Variants in IKZF3 observed in about 807,000 individuals in gnomAD.
IKZF3 encodes IKAROS family zinc finger 3.
In IKZF3, 10 loss-of-function variants were observed where a neutral mutation model predicts 49.0. That is an observed-to-expected ratio of 0.20 (90% CI 0.13 to 0.35). The LOEUF is 0.35. Ranked by LOEUF, IKZF3 falls within the 10% of genes least tolerant of loss-of-function variation. The pLI, the probability that IKZF3 is intolerant of heterozygous loss-of-function variation, is 1.00. For missense variants in IKZF3, 498 were observed against 664.8 expected, an observed-to-expected ratio of 0.75 and a Z score of 2.76; for synonymous variants, 209 against 228.2, an observed-to-expected ratio of 0.92 and a Z score of 0.76.
intron 1 of IKZF3, among the ~76,000 whole-genome samples, chr17:39,850,016 GGT>G (rs1016784737): frequency 6.0e-5 from 8 of 133,914 alleles, no homozygotes; most frequent in South Asian, 4.7e-4. Flanking sequence ...TATTCCTGGG[GGT>G]GTGTGTGTGT....
intron 1 of IKZF3, among the ~76,000 whole-genome samples, chr17:39,844,620 A>G (rs1290571662): frequency 1.3e-5 from 2 of 149,186 alleles, no homozygotes; most frequent in Admixed American, 6.7e-5. Context: ...TTTGGGGGGG[A>G]CAGAGTCTTG....
intron 3 of IKZF3, among the ~76,000 whole-genome samples, chr17:39,811,842 G>C (rs1424654436): frequency 6.6e-6 from 1 of 152,146 alleles, no homozygotes; most frequent in Non-Finnish European, 1.5e-5. Context: ...AACTATAAAA[G>C]ACTGTTCTTG....
chr17:39,849,388 G>A (rs1200649295), intron 1 of IKZF3, among the ~76,000 whole-genome samples: 1 of 151,306 alleles, frequency 6.6e-6, no homozygotes, highest in Non-Finnish European at 1.5e-5. Context: ...GCCAGGCGTG[G>A]TGGCTCATGC....
rs142765769 is a variant in IKZF3 at position 39,842,625 on chromosome 17, A to G, written c.8-10474T>C. ...ATAACTCATTGGGAAAAAAACAGAA[A>G]TTCATGAGTACATTCTGAGTACATT... is the stretch of plus-strand genomic sequence containing the variant. On this transcript the variant is annotated intron_variant, in intron 1 of 7. Coordinates refer to ENST00000346872, the MANE Select transcript of IKZF3 (RefSeq NM_012481.5). Among the ~76,000 whole-genome samples the G allele has an allele frequency of 2.4e-3, 363 of 152,280 alleles. 1 individual carries two copies. Among genetic ancestry groups the G allele is most frequent in the African/African-American group, 8.4e-3 (351 of 41,568 alleles).
chr17:39,820,194 A>G (rs1477086622), intron 3 of IKZF3, among the ~76,000 whole-genome samples: 1 of 152,224 alleles, frequency 6.6e-6, no homozygotes, highest in East Asian at 1.9e-4. Context: ...ATCTGTGTTC[A>G]GTGTCATGCG....
At position 39,792,903 on chromosome 17, in the gene IKZF3, C is replaced by T. The variant is rs775461910; in HGVS notation, c.194G>A (p.Ser65Asn). 3 of 1,613,772 alleles carry T rather than the reference C, an allele frequency of 1.9e-6. No homozygotes were observed. The highest frequency in any genetic ancestry group is 2.5e-6 in the Non-Finnish European group (3 of 1,179,846). Residue 65 changes from serine to asparagine, a missense_variant, in exon 4 of 8, where the codon AGT (serine) becomes AAT (asparagine). Coordinates refer to ENST00000346872, the MANE Select transcript of IKZF3 (RefSeq NM_012481.5). ...DDSMKVKDEY[S>N]ERDENVLKSE... ...CTTTAAAACATTCTCATCTCTTTCA[C>T]TGTATTCATCTTTCACTTTCATTGA... is the stretch of plus-strand genomic sequence containing the variant.
At chr17:39,804,747 T>G (rs2061397043) in intron 3 of IKZF3, among the ~76,000 whole-genome samples, 1 of 152,206 alleles carries the variant, frequency 6.6e-6, no homozygotes, top group South Asian at 2.1e-4. Flanking sequence ...CAGTCCCTGC[T>G]TTTTAAATCT....
chr17:39,780,953 T>C (rs1034704994), intron 6 of IKZF3, among the ~76,000 whole-genome samples: 2 of 152,362 alleles, frequency 1.3e-5, no homozygotes, highest in South Asian at 2.1e-4. Flanking sequence ...GAATAAATCA[T>C]AGCCTTCAGT....
chr17:39,814,450 G>A lies in IKZF3; in HGVS notation c.163+14937C>T, dbSNP rs534736381. Among the ~76,000 whole-genome samples the A allele has an allele frequency of 1.2e-4, 19 of 152,284 alleles. No homozygotes were observed. The South Asian group carries it at 3.5e-3, about 28-fold the overall frequency. The stretch of plus-strand genomic sequence containing the variant: ...TTTAGTTACAGAGCCAGGAGATGAA[G>A]GGTGTACTGTGTTGAATAGTGTCCC... On this transcript the variant is annotated intron_variant, in intron 3 of 7. Coordinates refer to ENST00000346872, the MANE Select transcript of IKZF3 (RefSeq NM_012481.5).
chr17:39,832,512 TATATATGTAC>T (rs1598148604), intron 1 of IKZF3, among the ~76,000 whole-genome samples: 1 of 150,414 alleles, frequency 6.6e-6, no homozygotes, highest in African/African-American at 2.5e-5. Flanking sequence ...TATATGTACA[TATATATGTAC>T]ATATATATAA....
chr17:39,857,976 A>AAG (rs1555645023), intron 1 of IKZF3, among the ~76,000 whole-genome samples: 4 of 151,426 alleles, frequency 2.6e-5, no homozygotes, highest in African/African-American at 9.7e-5. Context: ...AAAAAAAAAA[A>AAG]AGAGAGAGAG....
intron 1 of IKZF3, among the ~76,000 whole-genome samples, chr17:39,841,298 AGGGAATGAAGAG>A (rs913994965): frequency 5.9e-5 from 9 of 152,184 alleles, no homozygotes; most frequent in African/African-American, 1.2e-4. Context: ...GGAGCCTGAG[AGGGAATGAAGAG>A]GGGAATGAAG....
chr17:39,861,774 C>T (rs755747019), intron 1 of IKZF3, among the ~76,000 whole-genome samples: 4 of 152,080 alleles, frequency 2.6e-5, no homozygotes, highest in African/African-American at 7.2e-5. Context: ...TAGGGGCATT[C>T]AGCTCAAAAC....
In IKZF3 at chr17:39,758,378, T is replaced by A. The variant is rs934121758; in HGVS notation, c.*7412A>T. On this transcript the variant is annotated 3_prime_UTR_variant, in exon 8 of 8. Transcript: ENST00000346872. ...TCTGCTAGCCTGGAGTATACATGAG[T>A]CACTGGCGGTGGGATCAGTCATTTT... The A allele has an allele frequency of 1.6e-4, 24 of 152,118 alleles. No individual in the cohort carries two copies. Among genetic ancestry groups the A allele is most frequent in the African/African-American group, 5.8e-4 (24 of 41,400 alleles). 9.4% of individuals were successfully genotyped at this position (152,118 alleles called of 1,614,324 possible).
Position 39,765,698 on chromosome 17 carries a change from CTGAG to C in IKZF3, c.*88_*91del. The C allele has an allele frequency of 1.0e-6, 1 of 955,564 alleles. No homozygotes were observed. Among genetic ancestry groups the C allele is most frequent in the Non-Finnish European group, 1.6e-6 (1 of 629,936 alleles). 59.2% of individuals were successfully genotyped at this position (955,564 alleles called of 1,614,324 possible). A position where few individuals can be genotyped will look rare whatever the true frequency, so the allele number is the denominator to read the frequency against. Reference sequence around the variant, plus strand: ...AAATGGTATGAAAAGAAGTTTGGAACTGAGTATGTTTTGAGAGCAATCTGTTAGG... The same window carrying C: ...AAATGGTATGAAAAGAAGTTTGGAACTATGTTTTGAGAGCAATCTGTTAGG... On this transcript the variant is annotated 3_prime_UTR_variant, in exon 8 of 8. Coordinates refer to ENST00000346872, the MANE Select transcript of IKZF3 (RefSeq NM_012481.5).
intron 3 of IKZF3, among the ~76,000 whole-genome samples, chr17:39,803,813 A>G (rs2144027424): frequency 6.6e-6 from 1 of 152,164 alleles, no homozygotes; most frequent in South Asian, 2.1e-4. Context: ...GCGCCCAGCC[A>G]CTCTATCTTT....
intron 6 of IKZF3, 152 bp downstream of exon 6, chr17:39,788,106 G>A (rs888193374): frequency 3.7e-5 from 21 of 569,014 alleles, no homozygotes; most frequent in Non-Finnish European, 4.8e-5. Context: ...CTTACCACCC[G>A]CTAACCTTCC....
intron 2 of IKZF3, among the ~76,000 whole-genome samples, chr17:39,831,537 A>T (rs2062108587): frequency 1.3e-4 from 20 of 152,200 alleles, no homozygotes; most frequent in Admixed American, 1.3e-3. Context: ...AATTATTGTA[A>T]ATGTTTATAA....
chr17:39,812,192 G>A (rs1181433682), intron 3 of IKZF3, among the ~76,000 whole-genome samples: 1 of 151,958 alleles, frequency 6.6e-6, no homozygotes, highest in Non-Finnish European at 1.5e-5. Flanking sequence ...ATAAAATTTC[G>A]GGATCCCATC....
Sources: allele counts gnomAD v4.1 joint callset (sites outside exome capture counted in the v4.1 genomes callset), GRCh38; gene constraint gnomAD v4.1.1; transcripts MANE v1.5; gene names NCBI Gene and HGNC (gene_info 2026-07-23, HGNC 2026-07-21).